Variants in RASAL2 observed in about 807,000 individuals in gnomAD.
RASAL2 encodes the protein RAS protein activator like 2, also known as ras GTPase-activating protein nGAP.
A neutral mutation model predicts 128.9 loss-of-function variants in RASAL2; 58 were observed. The observed-to-expected ratio is 0.45, with a 90% CI of 0.36 to 0.56. The LOEUF (loss-of-function observed/expected upper bound fraction) is 0.56. Ranked by LOEUF, RASAL2 falls within the 20% of genes least tolerant of loss-of-function variation. The pLI, the probability that RASAL2 is intolerant of heterozygous loss-of-function variation, is 0.00. For missense variants in RASAL2, 1,360 were observed against 1,601.6 expected (o/e 0.85, Z 2.57); for synonymous variants, 561 against 580.8 (o/e 0.97, Z 0.49).
chr1:178,216,341 A>G (rs1300515754), intron 1 of RASAL2, among the ~76,000 whole-genome samples: 2 of 152,226 alleles, frequency 1.3e-5, no homozygotes, highest in African/African-American at 4.8e-5. Context: ...AAGCCAGAGA[A>G]GAAATTTGTG....
At chr1:178,144,631 G>A (rs560801308) in intron 1 of RASAL2, among the ~76,000 whole-genome samples, 2 of 152,126 alleles carry the variant, frequency 1.3e-5, no homozygotes, top group East Asian at 3.9e-4. Flanking sequence ...TCTCTTTTTG[G>A]GAATGGGGTA....
At chr1:178,130,665 CA>C (rs1660070671) in intron 1 of RASAL2, among the ~76,000 whole-genome samples, 1 of 152,114 alleles carries the variant, frequency 6.6e-6, no homozygotes, top group African/African-American at 2.4e-5. Flanking sequence ...ACAAAATAAA[CA>C]AACCTCTAGA....
intron 1 of RASAL2, among the ~76,000 whole-genome samples, chr1:178,166,872 T>C (rs1161448413): frequency 6.6e-6 from 1 of 152,046 alleles, no homozygotes; most frequent in Admixed American, 6.6e-5. Context: ...CTATATAGTT[T>C]TAAAAGTCCC....
intron 1 of RASAL2, among the ~76,000 whole-genome samples, chr1:178,214,752 G>T (rs1192276616): frequency 3.3e-5 from 5 of 151,980 alleles, no homozygotes; most frequent in Non-Finnish European, 5.9e-5. Context: ...TAGAGACGGG[G>T]TTTCACTGTG....
intron 3 of RASAL2, among the ~76,000 whole-genome samples, chr1:178,320,703 A>C (rs1668726333): frequency 6.6e-6 from 1 of 152,110 alleles, no homozygotes; most frequent in South Asian, 2.1e-4. Flanking sequence ...GGCACTCCCT[A>C]GTGAGATGAA....
At chr1:178,129,707 G>A (rs1037270113) in intron 1 of RASAL2, among the ~76,000 whole-genome samples, 4 of 151,670 alleles carry the variant, frequency 2.6e-5, no homozygotes, top group Non-Finnish European at 5.9e-5. Flanking sequence ...TTATAGTTTA[G>A]TTTTAAAATT....
chr1:178,348,861 G>A (rs1356731957), intron 3 of RASAL2, among the ~76,000 whole-genome samples: 1 of 149,840 alleles, frequency 6.7e-6, no homozygotes, highest in African/African-American at 2.5e-5. Flanking sequence ...GTGCAGTGGC[G>A]CGATCTCGGC....
chr1:178,171,473 G>A (rs886436569), intron 1 of RASAL2, among the ~76,000 whole-genome samples: 3 of 151,966 alleles, frequency 2.0e-5, no homozygotes, highest in Non-Finnish European at 4.4e-5. Flanking sequence ...TGAAGCCCTA[G>A]TAGTTAGTAG....
chr1:178,321,397 T>G (rs1210703147), intron 3 of RASAL2, among the ~76,000 whole-genome samples: 3 of 152,188 alleles, frequency 2.0e-5, no homozygotes, highest in Non-Finnish European at 4.4e-5. Context: ...CAATAATTTT[T>G]TAATAATTTT....
chr1:178,355,722 A>G (rs977616385), intron 3 of RASAL2, among the ~76,000 whole-genome samples: 2 of 152,242 alleles, frequency 1.3e-5, no homozygotes, highest in African/African-American at 4.8e-5. Flanking sequence ...AAGAAATTAT[A>G]CCAGAATATT....
intron 4 of RASAL2, among the ~76,000 whole-genome samples, chr1:178,411,103 G>A (rs1010800189): frequency 6.6e-6 from 1 of 151,988 alleles, no homozygotes; most frequent in Non-Finnish European, 1.5e-5. Flanking sequence ...GCAAAAGTGT[G>A]GAACCAGTCT....
intron 2 of RASAL2, among the ~76,000 whole-genome samples, chr1:178,299,233 A>G (rs972436398): frequency 7.9e-5 from 12 of 152,238 alleles, no homozygotes; most frequent in Non-Finnish European, 1.6e-4. Flanking sequence ...AAAATTGAAG[A>G]ACATTTGGGT....
rs115042004 is a variant in RASAL2 at position 178,308,884 on chromosome 1, G to C, written c.457+8766G>C. 5.4e-3 allele frequency among the ~76,000 whole-genome samples: 816 copies of C among 152,148 alleles called. 5 individuals are homozygous for C. The highest frequency in any genetic ancestry group is 0.019 in the African/African-American group (783 of 41,510). On this transcript the variant is annotated intron_variant, in intron 3 of 17. Coordinates refer to ENST00000367649, the MANE Select transcript of RASAL2 (RefSeq NM_170692.4). Reference sequence around the variant, plus strand: ...CCCAAGACATTGTTAGAAATATCTAGATAATTTATGCAATAATTTCAAGAT... The same window carrying C: ...CCCAAGACATTGTTAGAAATATCTACATAATTTATGCAATAATTTCAAGAT...
At chr1:178,426,233 A>C (rs1404498767) in intron 5 of RASAL2, among the ~76,000 whole-genome samples, 1 of 152,226 alleles carries the variant, frequency 6.6e-6, no homozygotes, top group African/African-American at 2.4e-5. Context: ...ATAGGCAAAA[A>C]GTGATAACAA....
intron 14 of RASAL2, among the ~76,000 whole-genome samples, chr1:178,462,186 T>C (rs1678249549): frequency 6.6e-6 from 1 of 152,208 alleles, no homozygotes; most frequent in Non-Finnish European, 1.5e-5. Flanking sequence ...AAACTAGAGA[T>C]ATTTTTTGCT....
At position 178,189,531 on chromosome 1, in the gene RASAL2, C is replaced by G. The variant is rs747085281; in HGVS notation, c.203-94033C>G. Among the ~76,000 whole-genome samples the G allele has an allele frequency of 2.6e-4, 40 of 152,266 alleles. No homozygotes were observed. The Middle Eastern group carries it at 0.017, about 65-fold the overall frequency. ...TTATTTCACTTTTCAGTAAAGGCCA[C>G]AGCATTTCTGTTACATTGTATATTG... On this transcript the variant is annotated intron_variant, in intron 1 of 17. Coordinates refer to ENST00000367649, the MANE Select transcript of RASAL2 (RefSeq NM_170692.4).
intron 3 of RASAL2, among the ~76,000 whole-genome samples, chr1:178,376,671 A>C (rs1194496047): frequency 6.6e-6 from 1 of 152,154 alleles, no homozygotes; most frequent in African/African-American, 2.4e-5. Flanking sequence ...TTGCAGAGTT[A>C]GCTATTTGTG....
At chr1:178,452,935 G>T (rs569427165) in intron 11 of RASAL2, among the ~76,000 whole-genome samples, 5 of 152,068 alleles carry the variant, frequency 3.3e-5, no homozygotes, top group East Asian at 3.9e-4. Flanking sequence ...TAAAAGTGCT[G>T]ATAAAAATAC....
In RASAL2 at chr1:178,271,319, A is replaced by G. The variant is rs1027898235; in HGVS notation, c.203-12245A>G. The stretch of plus-strand genomic sequence containing the variant: ...TCTTCTAGCTTTTAAACTTTTATTT[A>G]CTTTTTATTTCCGTTCTCACTACTT... On this transcript the variant is annotated intron_variant, in intron 1 of 17. Coordinates refer to ENST00000367649, the MANE Select transcript of RASAL2 (RefSeq NM_170692.4). Among the ~76,000 whole-genome samples, 5 of 152,164 alleles carry G rather than the reference A, an allele frequency of 3.3e-5. No homozygotes were observed. In the South Asian group the frequency reaches 8.3e-4, roughly 25 times the overall value.
Sources: gnomAD v4.1 joint callset for allele counts (sites outside exome capture counted in the v4.1 genomes callset) on GRCh38, gnomAD v4.1.1 for gene constraint, MANE v1.5 for transcripts, NCBI Gene and HGNC (gene_info 2026-07-23, HGNC 2026-07-21) for gene names.